Variants in PTPN13 observed in about 807,000 individuals in gnomAD.
PTPN13 encodes protein tyrosine phosphatase non-receptor type 13.
Under a neutral mutation model 284.0 loss-of-function variants are expected in PTPN13, and 191 were observed. The ratio of observed to expected loss-of-function variants is 0.67; its 90% CI spans 0.60 to 0.76. The LOEUF (loss-of-function observed/expected upper bound fraction) is 0.76, where lower values mean the gene tolerates loss of function less well. Among genes scored for constraint, PTPN13 ranks in the 30% least tolerant of loss-of-function variants. PTPN13 has a pLI of 0.00. For missense variants in PTPN13, 2,797 were observed against 2,939.9 expected (o/e 0.95, Z 1.12); for synonymous variants, 986 against 1,022.3 (o/e 0.96, Z 0.68).
chr4:86,743,067 A>C (rs1433884716), intron 16 of PTPN13, among the ~76,000 whole-genome samples: 1 of 151,946 alleles, frequency 6.6e-6, no homozygotes, highest in Non-Finnish European at 1.5e-5. Context: ...TTTTTCTTCT[A>C]CTAACCTCTG....
At chr4:86,675,376 A>G (rs1478160334) in intron 3 of PTPN13, among the ~76,000 whole-genome samples, 5 of 152,214 alleles carry the variant, frequency 3.3e-5, no homozygotes, top group Admixed American at 1.3e-4. Flanking sequence ...GAGTAGCCAT[A>G]TATTCTAGCA....
chr4:86,771,139 G>T, intron 30 of PTPN13, 32 bp from the exon 31 acceptor site: 2 of 1,529,018 alleles, frequency 1.3e-6, no homozygotes, highest in Non-Finnish European at 1.8e-6. Flanking sequence ...TCATAGAATG[G>T]TCACAAATCT....
At chr4:86,623,569 C>G (rs555378337) in intron 1 of PTPN13, among the ~76,000 whole-genome samples, 11 of 152,262 alleles carry the variant, frequency 7.2e-5, no homozygotes, top group African/African-American at 2.4e-4. Context: ...AATAGTTTCA[C>G]CTAACACGAT....
intron 1 of PTPN13, among the ~76,000 whole-genome samples, chr4:86,611,670 G>T (rs28529445): frequency 6.6e-6 from 1 of 152,040 alleles, no homozygotes; most frequent in Non-Finnish European, 1.5e-5. Flanking sequence ...AGAGTTTCCA[G>T]GCTGCGGCAT....
intron 2 of PTPN13, among the ~76,000 whole-genome samples, chr4:86,669,853 A>C (rs1430119106): frequency 6.6e-6 from 1 of 152,172 alleles, no homozygotes; most frequent in Non-Finnish European, 1.5e-5. Flanking sequence ...TCAAAATCAT[A>C]ATTTTGCCTC....
At chr4:86,733,617 A>G (rs567968071) in intron 12 of PTPN13, among the ~76,000 whole-genome samples, 1 of 152,252 alleles carries the variant, frequency 6.6e-6, no homozygotes, top group South Asian at 2.1e-4. Context: ...ATTAGTACCT[A>G]CTGATGTTCT....
rs1217813839 is a variant in PTPN13 at position 86,815,075 on chromosome 4, TTATC to T, written c.*526_*529del. 6.5e-6 allele frequency: 1 copy of T among 152,754 alleles called. No homozygotes were observed. The highest frequency in any genetic ancestry group is 2.4e-5 in the African/African-American group (1 of 41,476). 9.5% of individuals were successfully genotyped at this position (152,754 alleles called of 1,614,324 possible). A position where few individuals can be genotyped will look rare whatever the true frequency, so the allele number is the denominator to read the frequency against. Reference sequence around the variant, plus strand: ...TTTTTCATGAAAATGGAGTTATCAGTTATCTGTTTGTTACTGCATCATCTGTTTG... The same window carrying T: ...TTTTTCATGAAAATGGAGTTATCAGTTGTTTGTTACTGCATCATCTGTTTG... On this transcript the variant is annotated 3_prime_UTR_variant, in exon 48 of 48. Transcript: ENST00000411767.
chr4:86,708,785 A>G (rs1041932859), intron 7 of PTPN13, among the ~76,000 whole-genome samples: 11 of 152,052 alleles, frequency 7.2e-5, no homozygotes, highest in African/African-American at 2.2e-4. Flanking sequence ...GCTATCAGCC[A>G]TTTACCAATG....
At chr4:86,619,698 A>G (rs755429212) in intron 1 of PTPN13, among the ~76,000 whole-genome samples, 5 of 152,076 alleles carry the variant, frequency 3.3e-5, no homozygotes, top group Non-Finnish European at 5.9e-5. Context: ...AAGAGAGGTA[A>G]TTTCTGCAGC....
At chr4:86,796,255 C>G (rs1439047060) in intron 40 of PTPN13, among the ~76,000 whole-genome samples, 1 of 152,076 alleles carries the variant, frequency 6.6e-6, no homozygotes, top group African/African-American at 2.4e-5. Context: ...AAAGCACATA[C>G]CAAATGTGCA....
chr4:86,790,139 A>T (rs529313183), intron 40 of PTPN13, among the ~76,000 whole-genome samples: 5 of 152,310 alleles, frequency 3.3e-5, no homozygotes, highest in African/African-American at 1.2e-4. Flanking sequence ...TTGGAAAAAA[A>T]TTTTAATCCA....
chr4:86,607,645 G>A (rs190141260), intron 1 of PTPN13, among the ~76,000 whole-genome samples: 1 of 152,056 alleles, frequency 6.6e-6, no homozygotes, highest in African/African-American at 2.4e-5. Context: ...TATCAGTAGT[G>A]TCTTTTGACA....
At chr4:86,702,691 G>C (rs1308596283) in intron 7 of PTPN13, among the ~76,000 whole-genome samples, 1 of 152,108 alleles carries the variant, frequency 6.6e-6, no homozygotes, top group Non-Finnish European at 1.5e-5. Context: ...AGTATAAATA[G>C]ATGTGACATA....
At chr4:86,650,145 C>T (rs1361949852) in intron 2 of PTPN13, among the ~76,000 whole-genome samples, 1 of 151,310 alleles carries the variant, frequency 6.6e-6, no homozygotes, top group Admixed American at 6.6e-5. Flanking sequence ...CACCACCACA[C>T]CCGGATAATT....
rs57773658 is a variant in PTPN13, at chr4:86,728,643, CTTTTTTTTTTTTTTTTTTT to C, written c.1609-3741_1609-3723del. 4.2e-3 allele frequency among the ~76,000 whole-genome samples: 104 copies of C among 24,520 alleles called. 4 individuals carry two copies. Among genetic ancestry groups the C allele is most frequent in the Non-Finnish European group, 6.7e-3 (88 of 13,154 alleles). 16.1% of individuals were successfully genotyped at this position (24,520 alleles called of 152,430 possible). A position where few individuals can be genotyped will look rare whatever the true frequency, so the allele number is the denominator to read the frequency against. ...CAGAGACTAGGATTGCAACCCCTGC[CTTTTTTTTTTTTTTTTTTT>C]TTTTTTTTTTTTTTTGCTTTCCATT... On this transcript the variant is annotated intron_variant, in intron 10 of 47. Transcript: ENST00000411767.
Position 86,780,211 on chromosome 4 carries a change from C to A in PTPN13, c.5892-191C>A, listed in dbSNP as rs569091424. On this transcript the variant is annotated intron_variant, in intron 35 of 47. Transcript: ENST00000411767. Reference sequence around the variant, plus strand: ...CTCAGGAGTTCGAGACCAGCCTGGGCAACATGAAAAAACCCCATCTCTACA... The same window carrying A: ...CTCAGGAGTTCGAGACCAGCCTGGGAAACATGAAAAAACCCCATCTCTACA... Among the ~76,000 whole-genome samples, 6 of 151,834 alleles carry A rather than the reference C, an allele frequency of 4.0e-5. No individual in the cohort carries two copies. In the South Asian group the frequency reaches 1.3e-3, roughly 32 times the overall value.
chr4:86,755,561 C>T (rs1453200863), intron 20 of PTPN13, among the ~76,000 whole-genome samples: 6 of 152,034 alleles, frequency 3.9e-5, no homozygotes, highest in African/African-American at 7.2e-5. Context: ...TGGTCACCGA[C>T]TTATCATGGT....
At chr4:86,705,473 C>CA (rs1467105285) in intron 7 of PTPN13, among the ~76,000 whole-genome samples, 1 of 152,000 alleles carries the variant, frequency 6.6e-6, no homozygotes, top group African/African-American at 2.4e-5. Flanking sequence ...ACAGGCTTCA[C>CA]AGATCCCTTT....
intron 2 of PTPN13, among the ~76,000 whole-genome samples, chr4:86,635,815 T>A (rs568258926): frequency 6.6e-6 from 1 of 151,838 alleles, no homozygotes; most frequent in Non-Finnish European, 1.5e-5. Flanking sequence ...AATACAAAAT[T>A]TAGCCGGTGT....
Sources: gnomAD v4.1 joint callset for allele counts (sites outside exome capture counted in the v4.1 genomes callset) on GRCh38, gnomAD v4.1.1 for gene constraint, MANE v1.5 for transcripts, NCBI Gene and HGNC (gene_info 2026-07-23, HGNC 2026-07-21) for gene names.